The following KIAA1328 variants were observed in gnomAD, a reference collection of about 807,000 sequenced individuals.
The protein encoded by KIAA1328 is KIAA1328.
In KIAA1328, 52 loss-of-function variants were observed where a neutral mutation model predicts 68.1. The observed-to-expected ratio is 0.76, with a 90% CI of 0.61 to 0.96. The LOEUF (loss-of-function observed/expected upper bound fraction) is 0.96. KIAA1328 is among the 40% of genes least tolerant of loss of function. The probability of loss-of-function intolerance (pLI) is 0.00; values close to 1 mark genes in which losing one functional copy is unlikely to be tolerated. For synonymous variants in KIAA1328, 232 were observed against 239.4 expected (o/e 0.97, Z 0.28); for missense variants, 641 against 677.6 (o/e 0.95, Z 0.60).
At chr18:36,850,562 G>C (rs2047179548) in intron 4 of KIAA1328, among the ~76,000 whole-genome samples, 1 of 151,946 alleles carries the variant, frequency 6.6e-6, no homozygotes, top group African/African-American at 2.4e-5. Context: ...GGCACAGTAG[G>C]GGATTAACAA....
Position 36,888,724 on chromosome 18 carries a change from A to G in KIAA1328, c.448+3052A>G, listed in dbSNP as rs117694101. ...ACCAGAATAAACCTGTCAAAGGTTA[A>G]TATAGATGATTTTACAGTACATAAA... On this transcript the variant is annotated intron_variant, in intron 5 of 9. Transcript: ENST00000280020. Among the ~76,000 whole-genome samples, 80 of 152,294 alleles carry G rather than the reference A, an allele frequency of 5.3e-4. No individual in the cohort carries two copies. The East Asian group carries it at 0.01, about 19-fold the overall frequency.
intron 6 of KIAA1328, among the ~76,000 whole-genome samples, chr18:36,966,850 G>C (rs978129836): frequency 6.6e-6 from 1 of 152,152 alleles, no homozygotes; most frequent in Non-Finnish European, 1.5e-5. Context: ...CTGTAGATTT[G>C]TTGCAATCCT....
At chr18:37,160,826 A>T (rs1599468333) in intron 8 of KIAA1328, among the ~76,000 whole-genome samples, 1 of 152,224 alleles carries the variant, frequency 6.6e-6, no homozygotes, top group East Asian at 1.9e-4. Context: ...AAAACCTCAC[A>T]AGTCTAAAGC....
chr18:37,175,594 TA>T (rs970101177), intron 9 of KIAA1328, among the ~76,000 whole-genome samples: 100 of 145,956 alleles, frequency 6.9e-4, no homozygotes, highest in African/African-American at 8.2e-4. Flanking sequence ...ATTGCAGAGT[TA>T]AAAAAAAAAA....
intron 6 of KIAA1328, among the ~76,000 whole-genome samples, chr18:36,963,492 CAT>C (rs1446289755): frequency 6.6e-6 from 1 of 152,146 alleles, no homozygotes; most frequent in African/African-American, 2.4e-5. Context: ...ATCCTAAAGA[CAT>C]GTGGAAAAGA....
At chr18:37,194,265 C>T (rs1407382148) in intron 9 of KIAA1328, among the ~76,000 whole-genome samples, 2 of 152,104 alleles carry the variant, frequency 1.3e-5, no homozygotes, top group Non-Finnish European at 2.9e-5. Context: ...ACACCTTTTA[C>T]AATGTAATCA....
At chr18:37,042,316 A>G (rs113535257) in intron 6 of KIAA1328, among the ~76,000 whole-genome samples, 187 of 152,306 alleles carry the variant, frequency 1.2e-3, no homozygotes, top group African/African-American at 4.4e-3. Context: ...CTTTTCTGGT[A>G]TTCATTATTT....
At chr18:36,991,765 C>T (rs1026391238) in intron 6 of KIAA1328, among the ~76,000 whole-genome samples, 6 of 152,146 alleles carry the variant, frequency 3.9e-5, no homozygotes, top group Admixed American at 3.3e-4. Flanking sequence ...GGTTCAGGGC[C>T]TCTCTCCTCG....
At chr18:36,905,627 A>C (rs1388065160) in intron 5 of KIAA1328, among the ~76,000 whole-genome samples, 1 of 152,156 alleles carries the variant, frequency 6.6e-6, no homozygotes, top group Non-Finnish European at 1.5e-5. Flanking sequence ...CACTGTCATT[A>C]TACTGTCATT....
intron 6 of KIAA1328, among the ~76,000 whole-genome samples, chr18:37,042,941 A>G (rs1189567168): frequency 6.8e-6 from 1 of 147,950 alleles, no homozygotes; most frequent in Non-Finnish European, 1.5e-5. Context: ...TTTTCTTTCT[A>G]CTCTTTAGGT....
Position 36,955,314 on chromosome 18 carries a change from C to CT in KIAA1328, c.449-3977dup, listed in dbSNP as rs60361116. On this transcript the variant is annotated intron_variant, in intron 5 of 9. Transcript: ENST00000280020. ...GGCTAATTTTCCTGGTTTTTCTTTT[C>CT]TTTTTTTTTTTTTTTTTGATGGAGT... Among the ~76,000 whole-genome samples the CT allele has an allele frequency of 5.2e-3, 671 of 129,062 alleles. 3 individuals carry two copies. The highest frequency in any genetic ancestry group is 5.4e-3 in the Non-Finnish European group (330 of 61,076). 84.7% of individuals were successfully genotyped at this position (129,062 alleles called of 152,430 possible). A position where few individuals can be genotyped will look rare whatever the true frequency, so the allele number is the denominator to read the frequency against.
At chr18:36,893,465 TTGTG>T (rs141803952) in intron 5 of KIAA1328, among the ~76,000 whole-genome samples, 79 of 120,648 alleles carry the variant, frequency 6.5e-4, no homozygotes, top group East Asian at 2.0e-3. Flanking sequence ...GTGTGTGTTT[TTGTG>T]TGTGTGTGTG....
At chr18:37,165,717 G>A (rs1432931290) in intron 8 of KIAA1328, among the ~76,000 whole-genome samples, 6 of 150,736 alleles carry the variant, frequency 4.0e-5, no homozygotes, top group African/African-American at 1.5e-4. Flanking sequence ...TCAGGGTCCC[G>A]AGTAGCTGGG....
At chr18:37,098,578 C>T (rs1234426309) in intron 7 of KIAA1328, among the ~76,000 whole-genome samples, 2 of 152,022 alleles carry the variant, frequency 1.3e-5, no homozygotes, top group African/African-American at 4.8e-5. Flanking sequence ...CCAGGATGAT[C>T]CTGGGCTCAT....
intron 6 of KIAA1328, among the ~76,000 whole-genome samples, chr18:37,021,573 T>G (rs1237631657): frequency 6.6e-6 from 1 of 152,202 alleles, no homozygotes; most frequent in Non-Finnish European, 1.5e-5. Flanking sequence ...TCTTTGCATT[T>G]GTTTTGGTAT....
intron 6 of KIAA1328, among the ~76,000 whole-genome samples, chr18:37,045,204 A>T (rs929292852): frequency 6.6e-6 from 1 of 152,172 alleles, no homozygotes; most frequent in Non-Finnish European, 1.5e-5. Flanking sequence ...GGAAAATTTA[A>T]TCCAACGTGT....
chr18:37,135,977 A>G (rs2058634151), intron 7 of KIAA1328, among the ~76,000 whole-genome samples: 1 of 152,082 alleles, frequency 6.6e-6, no homozygotes. Flanking sequence ...GTGTGGCTTT[A>G]TCTTTGGGTT....
Position 37,096,900 on chromosome 18 carries a change from C to T in KIAA1328, c.1232+29355C>T, listed in dbSNP as rs564373457. On this transcript the variant is annotated intron_variant, in intron 7 of 9. Coordinates refer to ENST00000280020, the MANE Select transcript of KIAA1328 (RefSeq NM_020776.3). Reference sequence around the variant, plus strand: ...TTGAGAAGTGTCTGTTCATTTCCTTCACCCACTTTTTGTTGGGGCCGTTTG... The same window carrying T: ...TTGAGAAGTGTCTGTTCATTTCCTTTACCCACTTTTTGTTGGGGCCGTTTG... 3.5e-4 allele frequency among the ~76,000 whole-genome samples: 53 copies of T among 152,286 alleles called. 1 individual carries two copies. The highest frequency in any genetic ancestry group is 9.9e-4 in the African/African-American group (41 of 41,564).
At chr18:37,115,359 C>G (rs1307209867) in intron 7 of KIAA1328, among the ~76,000 whole-genome samples, 3 of 152,186 alleles carry the variant, frequency 2.0e-5, no homozygotes, top group Admixed American at 6.5e-5. Context: ...GCTGGTTGAA[C>G]ATACACAAAT....
Sources: allele counts gnomAD v4.1 joint callset (sites outside exome capture counted in the v4.1 genomes callset), GRCh38; gene constraint gnomAD v4.1.1; transcripts MANE v1.5; gene names NCBI Gene and HGNC (gene_info 2026-07-23, HGNC 2026-07-21).